Variants in ELOVL5 observed in about 807,000 individuals in gnomAD.
The protein encoded by ELOVL5 is very long chain fatty acid elongase 5.
ELOVL5 carries 8 observed loss-of-function variants against 38.6 expected under a neutral mutation model. The observed-to-expected ratio is 0.21, with a 90% CI of 0.12 to 0.37. The LOEUF is 0.37. Ranked by LOEUF, ELOVL5 falls within the 10% of genes least tolerant of loss-of-function variation. The pLI, the probability that ELOVL5 is intolerant of heterozygous loss-of-function variation, is 1.00. For missense variants in ELOVL5, 280 were observed against 367.8 expected (o/e 0.76, Z 1.95); for synonymous variants, 127 against 133.7 (o/e 0.95, Z 0.34).
intron 1 of ELOVL5, among the ~76,000 whole-genome samples, chr6:53,332,332 A>G (rs1768839961): frequency 6.6e-6 from 1 of 152,216 alleles, no homozygotes; most frequent in Non-Finnish European, 1.5e-5. Context: ...GGTAGGCATA[A>G]AAACTGAGTT....
At chr6:53,299,312 T>C (rs1337573135) in intron 1 of ELOVL5, among the ~76,000 whole-genome samples, 3 of 152,206 alleles carry the variant, frequency 2.0e-5, no homozygotes, top group Admixed American at 2.0e-4. Flanking sequence ...TAATTAGATC[T>C]TTCAGAGGGC....
Position 53,301,834 on chromosome 6 carries a change from T to C in ELOVL5, c.-8-6127A>G, listed in dbSNP as rs141477194. 3.8e-3 allele frequency among the ~76,000 whole-genome samples: 584 copies of C among 152,304 alleles called. 2 individuals carry two copies. Among genetic ancestry groups the C allele is most frequent in the African/African-American group, 0.012 (516 of 41,572 alleles). ...GATTCTGGAGTGTTTTTGGTAACCA[T>C]GCAACTATATTATAATTGTGTCTCA... is the stretch of plus-strand genomic sequence containing the variant. On this transcript the variant is annotated intron_variant, in intron 1 of 7. Coordinates refer to ENST00000304434, the MANE Select transcript of ELOVL5 (RefSeq NM_021814.5).
chr6:53,312,130 C>T (rs1205128066), intron 1 of ELOVL5, among the ~76,000 whole-genome samples: 6 of 152,168 alleles, frequency 3.9e-5, no homozygotes, highest in Non-Finnish European at 8.8e-5. Flanking sequence ...AAGTAACCTT[C>T]TGCTACAGAA....
chr6:53,306,210 GGGGAGAGGGGAGAGGGGAGAGGGGAGA>G (rs1561878304), intron 1 of ELOVL5, among the ~76,000 whole-genome samples: 997 of 13,460 alleles, frequency 0.074, 192 homozygotes, highest in African/African-American at 0.43. Context: ...GGAGGAGAAA[GGGGAGAGGGGAGAGGGGAGAGGGGAGA>G]GGGAGAGGGG....
chr6:53,307,618 C>T (rs1767636633), intron 1 of ELOVL5, among the ~76,000 whole-genome samples: 1 of 152,172 alleles, frequency 6.6e-6, no homozygotes. Context: ...CACATCCATA[C>T]CTCACAGCTC....
chr6:53,275,785 G>C (rs559826746), intron 4 of ELOVL5, among the ~76,000 whole-genome samples: 1 of 152,112 alleles, frequency 6.6e-6, no homozygotes, highest in South Asian at 2.1e-4. Context: ...TGCGACTGTT[G>C]GCCTGTGATT....
At chr6:53,327,465 G>C (rs1190096252) in intron 1 of ELOVL5, among the ~76,000 whole-genome samples, 1 of 151,990 alleles carries the variant, frequency 6.6e-6, no homozygotes, top group Non-Finnish European at 1.5e-5. Context: ...TCCATTTATA[G>C]GAAATATTCA....
In ELOVL5 at chr6:53,275,290, C is replaced by T. The variant is rs1032458277; in HGVS notation, c.325-29G>A. The T allele has an allele frequency of 2.5e-6, 4 of 1,606,518 alleles. No individual in the cohort carries two copies. The African/African-American group carries it at 5.3e-5, about 21-fold the overall frequency. Reference sequence around the variant, plus strand: ...AGAGGAAAGGGTCAAAGATTTAAGGCTTATCCTCACGGCTTCTCTGGAATA... The same window carrying T: ...AGAGGAAAGGGTCAAAGATTTAAGGTTTATCCTCACGGCTTCTCTGGAATA... On this transcript the variant is annotated intron_variant, in intron 4 of 7. Coordinates refer to ENST00000304434, the MANE Select transcript of ELOVL5 (RefSeq NM_021814.5).
chr6:53,330,517 C>CTTTTTTTTT (rs757160862), intron 1 of ELOVL5, among the ~76,000 whole-genome samples: 11 of 91,394 alleles, frequency 1.2e-4, no homozygotes, highest in Admixed American at 1.5e-4. Flanking sequence ...TCTTTATAAA[C>CTTTTTTTTT]TTTTTTTTTT....
At chr6:53,337,295 GCAC>G (rs1769116243) in intron 1 of ELOVL5, 1 of 152,324 alleles carries the variant, frequency 6.6e-6, no homozygotes, top group Non-Finnish European at 1.5e-5. Context: ...CATCTGCAGA[GCAC>G]CACAGCTATG....
intron 6 of ELOVL5, 110 bp from the exon 7 acceptor site, chr6:53,270,837 A>AC (rs1338513112): frequency 8.0e-7 from 1 of 1,248,778 alleles, no homozygotes; most frequent in African/African-American, 1.5e-5. Flanking sequence ...AACACTTACT[A>AC]CCCTTGCTGC....
At position 53,291,158 on chromosome 6, in the gene ELOVL5, A is replaced by G. The variant is rs1181161768; in HGVS notation, c.246+618T>C. 2.0e-5 allele frequency among the ~76,000 whole-genome samples: 3 copies of G among 152,246 alleles called. No homozygotes were observed. In the South Asian group the frequency reaches 6.2e-4, roughly 31 times the overall value. Reference sequence around the variant, plus strand: ...CTGATTTTTCTTTCATTTTTAAGCTATAACATTTGCCTTTGAGATCATCAA... The same window carrying G: ...CTGATTTTTCTTTCATTTTTAAGCTGTAACATTTGCCTTTGAGATCATCAA... On this transcript the variant is annotated intron_variant, in intron 3 of 7. Transcript: ENST00000304434.
intron 1 of ELOVL5, among the ~76,000 whole-genome samples, chr6:53,297,540 T>C (rs999007399): frequency 5.9e-5 from 9 of 152,188 alleles, no homozygotes; most frequent in Non-Finnish European, 1.2e-4. Context: ...TGTAACCTTC[T>C]GGGTTATCAG....
chr6:53,329,191 ACTACTACTG>A lies in ELOVL5; in HGVS notation c.-9+19617_-9+19625del, dbSNP rs1315172008. On this transcript the variant is annotated intron_variant, in intron 1 of 7. Transcript: ENST00000304434. ...ATATAAAGTATAACTAACTACTACT[ACTACTACTG>A]CTACTGCTACTGCTACTGCTACTAC... 1.3e-4 allele frequency among the ~76,000 whole-genome samples: 17 copies of A among 133,346 alleles called. No individual in the cohort carries two copies. In the South Asian group the frequency reaches 1.7e-3, roughly 13 times the overall value. The allele number at this position is 133,346 out of a possible 152,430, so 87.5% of individuals were successfully genotyped here.
At chr6:53,301,611 T>A (rs1313114822) in intron 1 of ELOVL5, among the ~76,000 whole-genome samples, 1 of 152,008 alleles carries the variant, frequency 6.6e-6, no homozygotes, top group African/African-American at 2.4e-5. Flanking sequence ...CAGGGAGTAG[T>A]AACAGGGCCC....
At chr6:53,288,484 T>G (rs1157371017) in intron 3 of ELOVL5, among the ~76,000 whole-genome samples, 1 of 152,150 alleles carries the variant, frequency 6.6e-6, no homozygotes, top group African/African-American at 2.4e-5. Flanking sequence ...GTCCAATACT[T>G]TCAAATTAAA....
At chr6:53,338,886 A>T (rs922289651) in intron 1 of ELOVL5, among the ~76,000 whole-genome samples, 1 of 152,376 alleles carries the variant, frequency 6.6e-6, no homozygotes, top group Non-Finnish European at 1.5e-5. Flanking sequence ...ATACAAAGGC[A>T]GTGATACCTT....
At position 53,348,933 on chromosome 6, in the gene ELOVL5, C is replaced by T. The variant is rs1024736564; in HGVS notation, c.-125G>A. ...TAGAAGGAGACACCGGTGGCTAGGACCCGCGCGATGGGAAGAGGAAGGCGC... is the reference window on the plus strand; with the variant it reads ...TAGAAGGAGACACCGGTGGCTAGGATCCGCGCGATGGGAAGAGGAAGGCGC... On this transcript the variant is annotated 5_prime_UTR_variant, in exon 1 of 8. Transcript: ENST00000304434. 6.9e-6 allele frequency: 3 copies of T among 437,612 alleles called. No individual in the cohort carries two copies. The highest frequency in any genetic ancestry group is 4.2e-5 in the African/African-American group (2 of 48,170). The allele number at this position is 437,612 out of a possible 1,614,324, so 27.1% of individuals were successfully genotyped here.
At chr6:53,301,612 A>T (rs1032314712) in intron 1 of ELOVL5, among the ~76,000 whole-genome samples, 3 of 152,206 alleles carry the variant, frequency 2.0e-5, no homozygotes, top group African/African-American at 7.2e-5. Context: ...AGGGAGTAGT[A>T]ACAGGGCCCA....
Sources: gnomAD v4.1 joint callset for allele counts (sites outside exome capture counted in the v4.1 genomes callset) on GRCh38, gnomAD v4.1.1 for gene constraint, MANE v1.5 for transcripts, NCBI Gene and HGNC (gene_info 2026-07-23, HGNC 2026-07-21) for gene names.